LNX1: variants seen among roughly 807,000 people sequenced by gnomAD.
LNX1 encodes the protein ligand of numb-protein X 1.
In LNX1, 54 loss-of-function variants were observed where a neutral mutation model predicts 68.4. The observed-to-expected ratio is 0.79, with a 90% CI of 0.63 to 0.99. The LOEUF (loss-of-function observed/expected upper bound fraction) is 0.99. Ranked by LOEUF, LNX1 falls within the 50% of genes least tolerant of loss-of-function variation. LNX1 has a pLI of 0.00. For synonymous variants in LNX1, 336 were observed against 350.0 expected (o/e 0.96, Z 0.45); for missense variants, 906 against 926.4 (o/e 0.98, Z 0.29).
intron 2 of LNX1, among the ~76,000 whole-genome samples, chr4:53,572,445 C>T (rs1033400417): frequency 5.9e-5 from 9 of 152,144 alleles, no homozygotes; most frequent in Admixed American, 1.3e-4. Flanking sequence ...GCATTACACC[C>T]AGGCCATTGC....
intron 1 of LNX1, among the ~76,000 whole-genome samples, chr4:53,628,163 G>A (rs1412901157): frequency 6.6e-6 from 1 of 152,124 alleles, no homozygotes; most frequent in Non-Finnish European, 1.5e-5. Context: ...GAAGGGTAGA[G>A]GCAGGTAAGA....
chr4:53,630,096 G>C (rs2164266), intron 1 of LNX1, among the ~76,000 whole-genome samples: 2 of 151,602 alleles, frequency 1.3e-5, no homozygotes, highest in Non-Finnish European at 2.9e-5. Flanking sequence ...AAAAAGGTGG[G>C]GGGGGCATGC....
At chr4:53,636,094 C>T (rs1327901494) in intron 1 of LNX1, among the ~76,000 whole-genome samples, 1 of 150,142 alleles carries the variant, frequency 6.7e-6, no homozygotes, top group Non-Finnish European at 1.5e-5. Flanking sequence ...GGTCGGCACT[C>T]CAAAAATAAT....
At chr4:53,618,618 T>C (rs1214171659), upstream of LNX1, among the ~76,000 whole-genome samples, 1 of 152,150 alleles carries the variant, frequency 6.6e-6, no homozygotes, top group Admixed American at 6.5e-5. Context: ...TTCATGTTCT[T>C]TACAAAGACA....
At chr4:53,576,438 A>G in intron 1 of LNX1, 1 of 1,433,104 alleles carries the variant, frequency 7.0e-7, no homozygotes, top group East Asian at 2.5e-5. Context: ...GGCACCTCAG[A>G]TGGTGCCAAA....
chr4:53,497,544 C>T (rs1357230342), intron 5 of LNX1, among the ~76,000 whole-genome samples: 3 of 152,228 alleles, frequency 2.0e-5, no homozygotes, highest in Non-Finnish European at 4.4e-5. Context: ...CGGGTTCCCC[C>T]ATCACCTCTG....
At chr4:53,478,537 G>C (rs1446808535) in intron 8 of LNX1, 28 bp downstream of exon 8, 3 of 1,586,076 alleles carry the variant, frequency 1.9e-6, no homozygotes, top group Admixed American at 3.5e-5. Context: ...TGCCACCCCA[G>C]TGCCTTTAAA....
intron 1 of LNX1, among the ~76,000 whole-genome samples, chr4:53,649,004 A>G (rs1352083791): frequency 6.6e-6 from 1 of 152,152 alleles, no homozygotes; most frequent in African/African-American, 2.4e-5. Context: ...CAATGCTGGG[A>G]CCTTTGGAGG....
At chr4:53,538,083 T>C (rs1728501565) in intron 2 of LNX1, among the ~76,000 whole-genome samples, 5 of 152,172 alleles carry the variant, frequency 3.3e-5, no homozygotes, top group Admixed American at 2.6e-4. Flanking sequence ...CAACCAACCA[T>C]TGGCTAGATA....
chr4:53,590,725 A>G (rs1732458293), intron 1 of LNX1, among the ~76,000 whole-genome samples: 1 of 152,206 alleles, frequency 6.6e-6, no homozygotes, highest in East Asian at 1.9e-4. Context: ...TACTGTAACC[A>G]AAGGTCAGCA....
At chr4:53,619,076 C>T (rs1271161000), upstream of LNX1, among the ~76,000 whole-genome samples, 1 of 152,008 alleles carries the variant, frequency 6.6e-6, no homozygotes, top group Non-Finnish European at 1.5e-5. Flanking sequence ...TTCAAGAGCT[C>T]AAGAGCCACA....
chr4:53,507,845 A>T, intron 3 of LNX1, 141 bp downstream of exon 3: 1 of 1,105,702 alleles, frequency 9.0e-7, no homozygotes, highest in Middle Eastern at 3.0e-4. Context: ...ACTTTGGCGA[A>T]TTGGACATTG....
intron 2 of LNX1, among the ~76,000 whole-genome samples, chr4:53,557,573 G>A (rs1048784494): frequency 1.9e-4 from 29 of 151,492 alleles, no homozygotes; most frequent in African/African-American, 6.1e-4. Context: ...TTCTATTTAC[G>A]GAAGGAAGAG....
chr4:53,526,506 G>A (rs1264796559), intron 2 of LNX1, among the ~76,000 whole-genome samples: 1 of 152,000 alleles, frequency 6.6e-6, no homozygotes, highest in East Asian at 1.9e-4. Context: ...AGCTGGTAAA[G>A]ATAAAGTAAG....
intron 1 of LNX1, among the ~76,000 whole-genome samples, chr4:53,644,610 C>G (rs999820800): frequency 6.6e-6 from 1 of 152,184 alleles, no homozygotes; most frequent in African/African-American, 2.4e-5. Flanking sequence ...ACTCTCATAG[C>G]AAATACCTGG....
chr4:53,620,318 T>C (rs908487253), upstream of LNX1, among the ~76,000 whole-genome samples: 3 of 152,170 alleles, frequency 2.0e-5, no homozygotes, highest in Non-Finnish European at 4.4e-5. Flanking sequence ...TGTGAACATA[T>C]TATAAATGCA....
At chr4:53,581,335 T>G (rs956745357) in intron 1 of LNX1, among the ~76,000 whole-genome samples, 5 of 152,236 alleles carry the variant, frequency 3.3e-5, no homozygotes, top group Non-Finnish European at 7.3e-5. Flanking sequence ...AATTTAAGTT[T>G]AAATATTTTA....
chr4:53,570,689 A>AATAC (rs1466132674), intron 2 of LNX1, among the ~76,000 whole-genome samples: 1 of 150,688 alleles, frequency 6.6e-6, no homozygotes, highest in African/African-American at 2.4e-5. Flanking sequence ...TAAATAAATA[A>AATAC]ATAAATAAAA....
chr4:53,613,515 C>T (rs941257007), intron 2 of LNX1, among the ~76,000 whole-genome samples: 13 of 152,002 alleles, frequency 8.6e-5, no homozygotes, highest in African/African-American at 3.1e-4. Flanking sequence ...TCCTCCACCC[C>T]CCACCGTCCA....
Sources: allele counts gnomAD v4.1 joint callset (sites outside exome capture counted in the v4.1 genomes callset), GRCh38; gene constraint gnomAD v4.1.1; transcripts MANE v1.5; gene names NCBI Gene and HGNC (gene_info 2026-07-23, HGNC 2026-07-21).